ABCA12: variants seen among roughly 807,000 people sequenced by gnomAD.
ABCA12 encodes the protein ATP binding cassette subfamily A member 12.
ABCA12 carries 156 observed loss-of-function variants against 293.5 expected under a neutral mutation model. The observed-to-expected ratio is 0.53, with a 90% CI of 0.47 to 0.61. The LOEUF is 0.61. Ranked by LOEUF, ABCA12 falls within the 20% of genes least tolerant of loss-of-function variation. The probability of loss-of-function intolerance (pLI) is 0.00; values close to 1 mark genes in which losing one functional copy is unlikely to be tolerated. For synonymous variants in ABCA12, 1,063 were observed against 1,108.0 expected (o/e 0.96, Z 0.81); for missense variants, 2,797 against 3,090.2 (o/e 0.91, Z 2.25).
chr2:215,035,292 G>T (rs1700967992), intron 8 of ABCA12, among the ~76,000 whole-genome samples: 1 of 152,136 alleles, frequency 6.6e-6, no homozygotes, highest in African/African-American at 2.4e-5. Context: ...AGAAACAAAA[G>T]GTAAGTGTAT....
chr2:214,997,653 T>C lies in ABCA12; in HGVS notation c.3294+42A>G, dbSNP rs149153524. 5.3e-4 allele frequency: 736 copies of C among 1,390,094 alleles called. 2 individuals are homozygous for C. The African/African-American group carries it at 9.5e-3, about 18-fold the overall frequency. The allele number at this position is 1,390,094 out of a possible 1,614,324, so 86.1% of individuals were successfully genotyped here. ...GATGAAAATCATAGTAATTGTTCTA[T>C]GAACAGGACTTATTCATAACAAGAA... is the stretch of plus-strand genomic sequence containing the variant. On this transcript the variant is annotated intron_variant, in intron 23 of 52. Transcript: ENST00000272895.
chr2:215,120,910 CA>C (rs1251865766), intron 1 of ABCA12, among the ~76,000 whole-genome samples: 1 of 152,180 alleles, frequency 6.6e-6, no homozygotes, highest in African/African-American at 2.4e-5. Context: ...GCAACTTTAA[CA>C]ATTCTGTTAA....
chr2:214,965,164 C>T (rs950040459), intron 39 of ABCA12, among the ~76,000 whole-genome samples: 3 of 151,922 alleles, frequency 2.0e-5, no homozygotes, highest in Admixed American at 6.6e-5. Flanking sequence ...CTGGGAGAAC[C>T]GGCTAGCCAT....
intron 2 of ABCA12, among the ~76,000 whole-genome samples, chr2:215,102,535 G>T (rs1702381104): frequency 6.6e-6 from 1 of 152,188 alleles, no homozygotes; most frequent in Non-Finnish European, 1.5e-5. Flanking sequence ...GGAGGCGGAG[G>T]TTGTGGTGAG....
rs926405779 is a variant in ABCA12 at position 215,064,729 on chromosome 2, A to G, written c.164-510T>C. Among the ~76,000 whole-genome samples, 3 of 143,178 alleles carry G rather than the reference A, an allele frequency of 2.1e-5. No homozygotes were observed. In the East Asian group the frequency reaches 6.5e-4, roughly 31 times the overall value. The allele number at this position is 143,178 out of a possible 152,430, so 93.9% of individuals were successfully genotyped here. On this transcript the variant is annotated intron_variant, in intron 2 of 52. Coordinates refer to ENST00000272895, the MANE Select transcript of ABCA12 (RefSeq NM_173076.3). ...CACACACACACACACACACACACAC[A>G]CACAAACATGTACTAAAAAATCCAA...
chr2:215,004,692 A>G (rs1165034340), intron 19 of ABCA12: 1 of 190,050 alleles, frequency 5.3e-6, no homozygotes, highest in South Asian at 1.0e-4. Flanking sequence ...CTTAAAAATC[A>G]TGATGTCTCC....
chr2:215,114,223 T>C (rs1416738328), intron 1 of ABCA12, among the ~76,000 whole-genome samples: 1 of 152,218 alleles, frequency 6.6e-6, no homozygotes, highest in African/African-American at 2.4e-5. Context: ...TCTGCCCACC[T>C]TGGCCTCCCA....
chr2:214,970,281 G>T lies in ABCA12; in HGVS notation c.5682C>A (p.Val1894=). The T allele has an allele frequency of 6.2e-7, 1 of 1,610,004 alleles. No individual in the cohort carries two copies. Among genetic ancestry groups the T allele is most frequent in the African/African-American group, 1.3e-5 (1 of 74,718 alleles). Reference sequence around the variant, plus strand: ...TAAACAGATTATTTTACCTTTTTTGGACAAACTCATTTGCAGTTGATATAA... The same window carrying T: ...TAAACAGATTATTTTACCTTTTTTGTACAAACTCATTTGCAGTTGATATAA... ...NYLISTANEF[V]QKRYGGWSFG... is the part of the protein sequence containing the mutation. Residue 1894 remains valine, a synonymous_variant, in exon 37 of 53, where the codon GTC becomes GTA. Transcript: ENST00000272895.
chr2:215,088,081 A>C (rs1206995261), intron 2 of ABCA12, among the ~76,000 whole-genome samples: 1 of 152,172 alleles, frequency 6.6e-6, no homozygotes, highest in Non-Finnish European at 1.5e-5. Flanking sequence ...GGTCATGAAA[A>C]ATCTTAGGTG....
rs2106037666 is a variant in ABCA12, at chr2:215,037,043, C to T, written c.895G>A (p.Val299Ile). The T allele has an allele frequency of 6.2e-7, 1 of 1,613,908 alleles. No individual in the cohort carries two copies. The highest frequency in any genetic ancestry group is 1.3e-5 in the African/African-American group (1 of 75,010). ...ANSVLLVVQK[V>I]YPRFATNEGF... Reference sequence around the variant, plus strand: ...TCGTTAGTTGCAAAACGTGGATAAACCTTCTGCACAACCAGCAGCACACTA... The same window carrying T: ...TCGTTAGTTGCAAAACGTGGATAAATCTTCTGCACAACCAGCAGCACACTA... Residue 299 changes from valine to isoleucine, a missense_variant, in exon 8 of 53, where the codon GTT (valine) becomes ATT (isoleucine). By Grantham distance (29) the Val-to-Ile change is conservative (BLOSUM62 3). Transcript: ENST00000272895.
chr2:215,079,895 C>T (rs1366535304), intron 2 of ABCA12, among the ~76,000 whole-genome samples: 3 of 152,212 alleles, frequency 2.0e-5, no homozygotes, highest in East Asian at 1.9e-4. Context: ...TTAGATATAT[C>T]GACAGGATTA....
intron 2 of ABCA12, among the ~76,000 whole-genome samples, chr2:215,096,562 T>C (rs1702253370): frequency 6.6e-6 from 1 of 152,188 alleles, no homozygotes; most frequent in South Asian, 2.1e-4. Context: ...TTCAAACCAT[T>C]CCTTTGTCCC....
At chr2:215,135,263 C>T (rs1438585545) in intron 1 of ABCA12, among the ~76,000 whole-genome samples, 1 of 152,174 alleles carries the variant, frequency 6.6e-6, no homozygotes, top group African/African-American at 2.4e-5. Flanking sequence ...CCAGCCCCAG[C>T]ATATACTTTT....
chr2:215,094,643 C>G (rs1479611720), intron 2 of ABCA12, among the ~76,000 whole-genome samples: 2 of 152,202 alleles, frequency 1.3e-5, no homozygotes, highest in African/African-American at 2.4e-5. Context: ...TCCTTAGCTA[C>G]CTTCCCCTTG....
chr2:214,975,255 C>G (rs574826335), intron 34 of ABCA12, among the ~76,000 whole-genome samples: 5 of 152,300 alleles, frequency 3.3e-5, no homozygotes, highest in Middle Eastern at 6.8e-3. Flanking sequence ...TGAGCCACGG[C>G]ACTCAGCCTA....
chr2:215,036,257 A>G (rs1700989423), intron 8 of ABCA12, among the ~76,000 whole-genome samples: 2 of 152,226 alleles, frequency 1.3e-5, no homozygotes, highest in South Asian at 2.1e-4. Context: ...TGATATTTCA[A>G]TACTATGTAA....
At position 215,049,723 on chromosome 2, in the gene ABCA12, C is replaced by A. The variant is rs1187032187; in HGVS notation, c.596G>T (p.Trp199Leu). 4 of 1,613,464 alleles carry A rather than the reference C, an allele frequency of 2.5e-6. No homozygotes were observed. In the African/African-American group the frequency reaches 5.3e-5, roughly 22 times the overall value. ...SGYIVDDAFS[W>L]TFLGRNVFNK... The stretch of plus-strand genomic sequence containing the variant: ...AAAAACATTTCTTCCTAGAAAGGTC[C>A]AAGAGAAGGCATCATCCACAATGTA... Residue 199 changes from tryptophan (W) to leucine (L), a missense_variant, in exon 6 of 53, where the codon TGG becomes TTG. Coordinates refer to ENST00000272895, the MANE Select transcript of ABCA12 (RefSeq NM_173076.3).
In ABCA12 at chr2:214,959,071, G is replaced by A. The variant is rs774824960; in HGVS notation, c.5892C>T (p.Ile1964=). The A allele has an allele frequency of 6.2e-7, 1 of 1,613,738 alleles. No individual in the cohort carries two copies. The highest frequency in any genetic ancestry group is 8.5e-7 in the Non-Finnish European group (1 of 1,179,682). ...SKYDAARHGI[I]MYSHPYPGVQ... is the part of the protein sequence containing the mutation. ...CTCCTGGATAAGGATGGCTATACAT[G>A]ATGATGCCTTAAAGACGAAACAGTT... is the stretch of plus-strand genomic sequence containing the variant. The change falls in exon 40 of 53, where the codon ATC becomes ATT. Residue 1964 remains isoleucine, a synonymous_variant. Transcript: ENST00000272895.
intron 39 of ABCA12, among the ~76,000 whole-genome samples, chr2:214,963,923 C>CCCAAAA (rs1699184613): frequency 1.7e-5 from 1 of 59,908 alleles, no homozygotes. Flanking sequence ...GACTCTGCCT[C>CCCAAAA]AAAAAAAAAA....
Sources: gnomAD v4.1 joint callset for allele counts (sites outside exome capture counted in the v4.1 genomes callset) on GRCh38, gnomAD v4.1.1 for gene constraint, MANE v1.5 for transcripts, NCBI Gene and HGNC (gene_info 2026-07-23, HGNC 2026-07-21) for gene names.